The following ITIH1 variants were observed in gnomAD, a reference collection of about 807,000 sequenced individuals.
ITIH1 encodes inter-alpha-trypsin inhibitor heavy chain H1.
Under a neutral mutation model 104.6 loss-of-function variants are expected in ITIH1, and 94 were observed. The observed-to-expected ratio is 0.90, with a 90% CI of 0.76 to 1.07. ITIH1 has a LOEUF of 1.07. Among genes scored for constraint, ITIH1 ranks in the 50% least tolerant of loss-of-function variants. The pLI, the probability that ITIH1 is intolerant of heterozygous loss-of-function variation, is 0.00. For synonymous variants in ITIH1, 455 were observed against 464.4 expected (o/e 0.98, Z 0.26); for missense variants, 1,193 against 1,181.4 (o/e 1.01, Z -0.14).
At position 52,784,493 on chromosome 3, in the gene ITIH1, C is replaced by T; in HGVS notation, c.1407+16C>T. ...GCAGCTGCAGGTCTCCCCTCACAAC[C>T]CCCTGTACCTCCAATGGCATGCCAT... On this transcript the variant is annotated intron_variant, in intron 11 of 21. Coordinates refer to ENST00000273283, the MANE Select transcript of ITIH1 (RefSeq NM_002215.4). The T allele has an allele frequency of 6.2e-7, 1 of 1,611,482 alleles. No homozygotes were observed.
At chr3:52,781,217 CTT>C (rs1699038216) in intron 6 of ITIH1, among the ~76,000 whole-genome samples, 4 of 31,864 alleles carry the variant, frequency 1.3e-4, no homozygotes, top group African/African-American at 3.7e-4. Context: ...TTTTCTTCTT[CTT>C]CTTCTTCTTC....
At chr3:52,781,249 T>G (rs1274917925) in intron 6 of ITIH1, among the ~76,000 whole-genome samples, 2 of 123,374 alleles carry the variant, frequency 1.6e-5, no homozygotes, top group Admixed American at 9.5e-5. Context: ...TTCTTCTTCT[T>G]CTTCTTCTTC....
chr3:52,782,009 AACG>A lies in ITIH1; in HGVS notation c.758_760del (p.Asn253_Gly254delinsArg), dbSNP rs1276805655. The A allele has an allele frequency of 1.2e-6, 2 of 1,613,984 alleles. No homozygotes were observed. The highest frequency in any genetic ancestry group is 1.7e-6 in the Non-Finnish European group (2 of 1,180,034). ...CCCCACATGCTCTACATCCTTACTGAACGGGCACTTCAAGGTGACCTACGATGT... is the reference window on the plus strand; with the variant it reads ...CCCCACATGCTCTACATCCTTACTGAGGCACTTCAAGGTGACCTACGATGT... On this transcript the variant is annotated inframe_deletion, in exon 7 of 22. Transcript: ENST00000273283.
intron 1 of ITIH1, 102 bp downstream of exon 1, chr3:52,777,834 C>T: frequency 7.5e-7 from 1 of 1,336,028 alleles, no homozygotes; most frequent in Non-Finnish European, 1.1e-6. Flanking sequence ...TCACCCCCAC[C>T]ACCTCCACCA....
chr3:52,787,086 C>T lies in ITIH1; in HGVS notation c.1875C>T (p.Asp625=). 6.2e-7 allele frequency: 1 copy of T among 1,614,208 alleles called. No homozygotes were observed. Among genetic ancestry groups the T allele is most frequent in the Non-Finnish European group, 8.5e-7 (1 of 1,180,020 alleles). The change falls in exon 14 of 22, where the codon GAC becomes GAT. Residue 625 remains aspartate, a synonymous_variant. Transcript: ENST00000273283. The stretch of plus-strand genomic sequence containing the variant: ...AGGACGGCCTGAAGCCCACCATCGA[C>T]AAGCCCTCAGAGGGTATAGGCTGCA... ...ADQDGLKPTI[D]KPSEDSPPLE...
intron 16 of ITIH1, 175 bp downstream of exon 16, chr3:52,787,787 G>A (rs1413787718): frequency 2.2e-6 from 2 of 912,092 alleles, no homozygotes; most frequent in Non-Finnish European, 3.6e-6. Context: ...AGACAGAGAG[G>A]GGGCCAGCTA....
At chr3:52,791,274 C>T (rs948495441) in intron 20 of ITIH1, among the ~76,000 whole-genome samples, 11 of 151,918 alleles carry the variant, frequency 7.2e-5, no homozygotes, top group Non-Finnish European at 1.3e-4. Flanking sequence ...TGCCCTCAAA[C>T]CTCTCTCCCC....
chr3:52,789,533 C>A (rs1277104137), intron 18 of ITIH1, 120 bp from the exon 19 acceptor site: 21 of 826,558 alleles, frequency 2.5e-5, no homozygotes, highest in Non-Finnish European at 4.0e-5. Flanking sequence ...AGGCAGGAGA[C>A]TCTCAAAGAC....
chr3:52,787,331 T>C, intron 15 of ITIH1, 129 bp downstream of exon 15: 2 of 1,346,876 alleles, frequency 1.5e-6, no homozygotes, highest in Non-Finnish European at 2.1e-6. Context: ...CGTTCTTCCG[T>C]CCCCTGAGCC....
rs201221624 is a variant in ITIH1 at position 52,783,241 on chromosome 3, G to A, written c.1127G>A (p.Arg376Gln). The A allele has an allele frequency of 1.9e-5, 30 of 1,613,966 alleles. No individual in the cohort carries two copies. The highest frequency in any genetic ancestry group is 3.3e-5 in the Admixed American group (2 of 59,990). The part of the protein sequence containing the change: ...EATNLNGGLL[R>Q]GIEILNQVQE... The stretch of plus-strand genomic sequence containing the variant: ...ACAAACCTGAATGGAGGTTTGCTCC[G>A]GGGAATTGAGATCTTGAACCAAGTT... The change falls in exon 10 of 22, where the codon CGG becomes CAG. Residue 376 changes from arginine (R) to glutamine (Q), a missense_variant. Coordinates refer to ENST00000273283, the MANE Select transcript of ITIH1 (RefSeq NM_002215.4).
At chr3:52,790,601 G>T (rs933440502) in intron 19 of ITIH1, 148 bp from the exon 20 acceptor site, 2 of 756,912 alleles carry the variant, frequency 2.6e-6, no homozygotes, top group South Asian at 1.6e-5. Context: ...GGGGAGGGGC[G>T]TGGAACAGGT....
intron 18 of ITIH1, 25 bp from the exon 19 acceptor site, chr3:52,789,628 C>T (rs761443287): frequency 1.1e-5 from 18 of 1,609,948 alleles, no homozygotes; most frequent in South Asian, 5.5e-5. Context: ...CTTCCCAACC[C>T]GGATGCCCTC....
intron 11 of ITIH1, 41 bp downstream of exon 11, chr3:52,784,518 T>C: frequency 1.9e-6 from 3 of 1,589,176 alleles, no homozygotes; most frequent in Non-Finnish European, 2.6e-6. Context: ...TGGCATGCCA[T>C]AGGGAGCCCT....
intron 3 of ITIH1, 65 bp from the exon 4 acceptor site, chr3:52,778,877 G>A: frequency 8.0e-7 from 1 of 1,245,366 alleles, no homozygotes; most frequent in Non-Finnish European, 1.2e-6. Context: ...ACATGGACAG[G>A]CCCTCTCAGG....
At chr3:52,787,953 C>G (rs1187515847) in intron 16 of ITIH1, 33 bp from the exon 17 acceptor site, 45 of 1,593,292 alleles carry the variant, frequency 2.8e-5, no homozygotes, top group Non-Finnish European at 3.6e-5. Context: ...GCCTGGCTGC[C>G]CCGCTTCTAA....
intron 10 of ITIH1, 137 bp downstream of exon 10, chr3:52,783,476 A>G (rs1699116464): frequency 4.5e-6 from 4 of 884,622 alleles, no homozygotes; most frequent in Admixed American, 2.4e-5. Context: ...GCACTGGTCT[A>G]AAAACACAGC....
chr3:52,784,749 C>T (rs992812907), intron 11 of ITIH1, among the ~76,000 whole-genome samples: 1 of 152,052 alleles, frequency 6.6e-6, no homozygotes, highest in Admixed American at 6.5e-5. Flanking sequence ...GTGGTGGATG[C>T]CTGTAATCTC....
chr3:52,783,451 T>C, intron 10 of ITIH1, 112 bp downstream of exon 10: 1 of 1,221,694 alleles, frequency 8.2e-7, no homozygotes, highest in Non-Finnish European at 1.2e-6. Flanking sequence ...GCAGAAAAGC[T>C]CAGGGCAAAA....
chr3:52,778,660 C>T, intron 3 of ITIH1, 154 bp downstream of exon 3: 2 of 1,459,530 alleles, frequency 1.4e-6, no homozygotes, highest in Non-Finnish European at 1.8e-6. Flanking sequence ...AGGAAGAAGC[C>T]CTTTAGGTCT....
Sources: gnomAD v4.1 joint callset for allele counts (sites outside exome capture counted in the v4.1 genomes callset) on GRCh38, gnomAD v4.1.1 for gene constraint, MANE v1.5 for transcripts, NCBI Gene and HGNC (gene_info 2026-07-23, HGNC 2026-07-21) for gene names.